Variants in GRB2 observed in about 807,000 individuals in gnomAD.
The protein encoded by GRB2 is growth factor receptor bound protein 2.
GRB2 carries 2 observed loss-of-function variants against 27.4 expected under a neutral mutation model. The ratio of observed to expected loss-of-function variants is 0.07; its 90% CI spans 0.03 to 0.23. The LOEUF is 0.23. GRB2 is among the 10% of genes least tolerant of loss of function. The pLI, the probability that GRB2 is intolerant of heterozygous loss-of-function variation, is 1.00. For synonymous variants in GRB2, 94 were observed against 99.6 expected (o/e 0.94, Z 0.33); for missense variants, 102 against 282.4 (o/e 0.36, Z 4.58).
chr17:75,389,469 A>G (rs190177959), intron 2 of GRB2, among the ~76,000 whole-genome samples: 1 of 152,362 alleles, frequency 6.6e-6, no homozygotes, highest in East Asian at 1.9e-4. Context: ...CAAGAATGAT[A>G]GTTGTGTGAT....
chr17:75,400,835 C>T (rs138837134), intron 1 of GRB2, among the ~76,000 whole-genome samples: 3 of 152,250 alleles, frequency 2.0e-5, no homozygotes, highest in Middle Eastern at 6.8e-3. Context: ...AGCAATTCCA[C>T]TTCCCAGATT....
At chr17:75,374,936 T>G (rs2078882403) in intron 2 of GRB2, among the ~76,000 whole-genome samples, 1 of 152,204 alleles carries the variant, frequency 6.6e-6, no homozygotes, top group African/African-American at 2.4e-5. Flanking sequence ...ATTCAGTCGC[T>G]CAGGTTTATA....
At chr17:75,384,336 T>C (rs2078948554) in intron 2 of GRB2, among the ~76,000 whole-genome samples, 1 of 152,230 alleles carries the variant, frequency 6.6e-6, no homozygotes, top group African/African-American at 2.4e-5. Context: ...AGATGCAGAA[T>C]GTAAACTGCT....
At chr17:75,338,909 A>G in intron 2 of GRB2, 1 of 891,372 alleles carries the variant, frequency 1.1e-6, no homozygotes, top group Non-Finnish European at 1.9e-6. Context: ...CAGTACAAGA[A>G]GGGAAAGGAT....
chr17:75,341,627 G>A (rs56298430), intron 2 of GRB2, among the ~76,000 whole-genome samples: 6,098 of 152,070 alleles, frequency 0.04, 201 homozygotes, highest in Non-Finnish European at 0.057. Flanking sequence ...GGAGGACAAA[G>A]TCCCCAAACT....
rs1490625208 is a variant in GRB2 at position 75,320,980 on chromosome 17, CGACCAGGGCTCGAGG to C, written c.469-442_469-428del. On this transcript the variant is annotated intron_variant, in intron 5 of 5. Transcript: ENST00000316804. This position sits in a 1 kb window ranked among gnomAD's most constrained non-coding sequence, Gnocchi z 4.3. The stretch of plus-strand genomic sequence containing the variant: ...CATAAGGGGCTCTAACCGTAACTTA[CGACCAGGGCTCGAGG>C]GACAGGAACGGGTGCCGACCCCATT... Among the ~76,000 whole-genome samples, 1 of 152,060 alleles carries C rather than the reference CGACCAGGGCTCGAGG, an allele frequency of 6.6e-6. No individual in the cohort carries two copies. The highest frequency in any genetic ancestry group is 2.4e-5 in the African/African-American group (1 of 41,386).
At chr17:75,337,865 C>CTACTTT (rs1384200279) in intron 2 of GRB2, among the ~76,000 whole-genome samples, 16 of 40,728 alleles carry the variant, frequency 3.9e-4, no homozygotes, top group Non-Finnish European at 1.7e-3. Flanking sequence ...TGCGCCCGGC[C>CTACTTT]TACTATTACT....
chr17:75,353,446 T>G (rs1471201787), intron 2 of GRB2, among the ~76,000 whole-genome samples: 1 of 146,404 alleles, frequency 6.8e-6, no homozygotes, highest in Non-Finnish European at 1.5e-5. Flanking sequence ...CTGTATTTCC[T>G]CGAGTTTCTA....
intron 1 of GRB2, chr17:75,394,015 T>C: frequency 4.0e-6 from 1 of 252,958 alleles, no homozygotes; most frequent in Non-Finnish European, 7.8e-6. Flanking sequence ...TTCCTCTTCC[T>C]TCCCGCTGGG....
chr17:75,393,678 T>C lies in GRB2; in HGVS notation c.-50A>G. 1 of 1,473,440 alleles carries C rather than the reference T, an allele frequency of 6.8e-7. No individual in the cohort carries two copies. Among genetic ancestry groups the C allele is most frequent in the Non-Finnish European group, 9.5e-7 (1 of 1,052,762 alleles). The allele number at this position is 1,473,440 out of a possible 1,614,324, so 91.3% of individuals were successfully genotyped here. ...AGCCTGAAGCAGGGGGAAGGGAGTC[T>C]TCCCTGCTGAAGCAACCCAGCGCTC... is the stretch of plus-strand genomic sequence containing the variant. On this transcript the variant is annotated 5_prime_UTR_variant, in exon 2 of 6. Transcript: ENST00000316804.
intron 2 of GRB2, among the ~76,000 whole-genome samples, chr17:75,341,716 ACTG>A (rs1224293100): frequency 6.6e-6 from 1 of 152,120 alleles, no homozygotes; most frequent in African/African-American, 2.4e-5. Flanking sequence ...CCCCATGAAT[ACTG>A]CTTTCTTTCC....
At chr17:75,334,583 C>G (rs1438684803) in intron 2 of GRB2, among the ~76,000 whole-genome samples, 1 of 151,896 alleles carries the variant, frequency 6.6e-6, no homozygotes, top group African/African-American at 2.4e-5. Flanking sequence ...CCAGTCCTAC[C>G]TATAAGTTTA....
chr17:75,389,770 G>A (rs2078987052), intron 2 of GRB2, among the ~76,000 whole-genome samples: 1 of 152,080 alleles, frequency 6.6e-6, no homozygotes, highest in Non-Finnish European at 1.5e-5. Flanking sequence ...GCGTGAACCC[G>A]GGAGGCAGAG....
chr17:75,349,125 T>TA (rs1200111110), intron 2 of GRB2, among the ~76,000 whole-genome samples: 1 of 152,246 alleles, frequency 6.6e-6, no homozygotes, highest in Non-Finnish European at 1.5e-5. Context: ...GAGGGTATAG[T>TA]AAGCAAAGTA....
At chr17:75,368,797 C>T (rs912899619) in intron 2 of GRB2, among the ~76,000 whole-genome samples, 1 of 151,250 alleles carries the variant, frequency 6.6e-6, no homozygotes, top group Non-Finnish European at 1.5e-5. Flanking sequence ...TCTCCTGCCT[C>T]GGTCTCCCAA....
chr17:75,371,673 G>A (rs746587075), intron 2 of GRB2: 3 of 151,844 alleles, frequency 2.0e-5, no homozygotes, highest in Non-Finnish European at 4.4e-5. Flanking sequence ...TCTAAGCAAC[G>A]AGAGGTGGCC....
intron 4 of GRB2, among the ~76,000 whole-genome samples, chr17:75,324,386 T>G (rs964260487): frequency 6.7e-6 from 1 of 150,278 alleles, no homozygotes; most frequent in African/African-American, 2.4e-5. Context: ...TTTTTTTTTT[T>G]TTTAGTAGAG....
At position 75,335,163 on chromosome 17, in the gene GRB2, T is replaced by C. The variant is rs576141903; in HGVS notation, c.79-2366A>G. ...CCGCAGGTAAGGGGGGACTAGTATATACGGAGCAGAACAGAATCAGGTACA... is the reference window on the plus strand; with the variant it reads ...CCGCAGGTAAGGGGGGACTAGTATACACGGAGCAGAACAGAATCAGGTACA... On this transcript the variant is annotated intron_variant, in intron 2 of 5. Transcript: ENST00000316804. Among the ~76,000 whole-genome samples, 6 of 152,252 alleles carry C rather than the reference T, an allele frequency of 3.9e-5. No individual in the cohort carries two copies. The South Asian group carries it at 1.2e-3, about 32-fold the overall frequency.
At chr17:75,369,662 C>A (rs960663850) in intron 2 of GRB2, among the ~76,000 whole-genome samples, 3 of 139,384 alleles carry the variant, frequency 2.2e-5, no homozygotes, top group African/African-American at 7.8e-5. Context: ...CAAGACCAGT[C>A]TGGGCAACAT....
Sources: gnomAD v4.1 joint callset for allele counts (sites outside exome capture counted in the v4.1 genomes callset) on GRCh38, gnomAD v4.1.1 for gene constraint, Gnocchi (gnomAD v3.1) non-coding constraint, MANE v1.5 for transcripts, NCBI Gene and HGNC (gene_info 2026-07-23, HGNC 2026-07-21) for gene names.